The following C13orf42 variants were observed in gnomAD, a reference collection of about 807,000 sequenced individuals.
The protein encoded by C13orf42 is uncharacterized protein C13orf42.
chr13:51,146,632 G>T (rs1399398640), intron 1 of C13orf42, among the ~76,000 whole-genome samples: 1 of 152,148 alleles, frequency 6.6e-6, no homozygotes, highest in Non-Finnish European at 1.5e-5. Flanking sequence ...TTGAAGCAAA[G>T]GACTCACAGT....
In C13orf42 at chr13:51,108,492, A is replaced by G. The variant is rs1226742236; in HGVS notation, c.414+2304T>C. 2.0e-5 allele frequency among the ~76,000 whole-genome samples: 3 copies of G among 152,288 alleles called. No individual in the cohort carries two copies. In the East Asian group the frequency reaches 5.8e-4, roughly 29 times the overall value. On this transcript the variant is annotated intron_variant, in intron 1 of 3. Transcript: ENST00000563710. ...CCCACCAGCCATGAAGCCTGAACCC[A>G]TCATTTCACAGGCAGGCCCAGCATA...
intron 1 of C13orf42, among the ~76,000 whole-genome samples, chr13:51,106,876 G>A (rs181673301): frequency 1.3e-5 from 2 of 152,326 alleles, no homozygotes; most frequent in East Asian, 1.9e-4. Context: ...GTCCCAAACT[G>A]CAGCTCATTC....
intron 1 of C13orf42, among the ~76,000 whole-genome samples, chr13:51,121,038 A>G (rs575610802): frequency 2.0e-5 from 3 of 152,306 alleles, no homozygotes; most frequent in East Asian, 3.9e-4. Context: ...TGCCCGTCAT[A>G]ATAAACCCTG....
At chr13:51,151,375 GAA>G (rs67940203) in intron 1 of C13orf42, among the ~76,000 whole-genome samples, 1 of 148,696 alleles carries the variant, frequency 6.7e-6, no homozygotes, top group African/African-American at 2.5e-5. Context: ...GCTGGAAAAG[GAA>G]AAAAAAAAGA....
In C13orf42 at chr13:51,110,923, C is replaced by G. The variant is rs1593537730; in HGVS notation, c.287G>C (p.Arg96Pro). The G allele has an allele frequency of 2.5e-6, 1 of 398,584 alleles. No homozygotes were observed. 24.7% of individuals were successfully genotyped at this position (398,584 alleles called of 1,614,324 possible). ...LQYLQELLAL[R>P]KKYLSSFSDL... ...ACTGAAGCTGCTGAGATATTTTTTG[C>G]GCAAGGCCAGCAGCTCCTGCAGGTA... is the stretch of plus-strand genomic sequence containing the variant. Residue 96 changes from arginine (R) to proline (P), a missense_variant, in exon 1 of 4, where the codon CGC becomes CCC. Physicochemically the swap from Arg to Pro is moderately radical, Grantham distance 103 (BLOSUM62 -2). Transcript: ENST00000563710.
At chr13:51,089,776 A>G (rs1433646895) in intron 1 of C13orf42, among the ~76,000 whole-genome samples, 1 of 151,502 alleles carries the variant, frequency 6.6e-6, no homozygotes, top group Non-Finnish European at 1.5e-5. Context: ...TCTCTCTTCC[A>G]CAGATGGCCT....
chr13:51,149,312 GAAAAAA>G (rs60935214), intron 1 of C13orf42, among the ~76,000 whole-genome samples: 5 of 103,084 alleles, frequency 4.9e-5, no homozygotes, highest in Non-Finnish European at 9.4e-5. Flanking sequence ...GGCTGAAATT[GAAAAAA>G]AAAAAAAAAA....
In C13orf42 at chr13:51,169,003, C is replaced by T. The variant is rs541289736; in HGVS notation, n.136+3250G>A. Among the ~76,000 whole-genome samples the T allele has an allele frequency of 3.9e-4, 59 of 152,324 alleles. No individual in the cohort carries two copies. In the South Asian group the frequency reaches 6.0e-3, roughly 16 times the overall value. On this transcript the variant is annotated intron_variant and non_coding_transcript_variant, in intron 1 of 4. Coordinates refer to the C13orf42 transcript ENST00000433280. The stretch of plus-strand genomic sequence containing the variant: ...GTGGAACTGTGAGCCAATTAAACCT[C>T]TTTGCTTTATAAATAACCCAGTTTC...
At chr13:51,130,173 A>C (rs1226573198) in intron 1 of C13orf42, among the ~76,000 whole-genome samples, 1 of 152,242 alleles carries the variant, frequency 6.6e-6, no homozygotes, top group Non-Finnish European at 1.5e-5. Flanking sequence ...TGGGAAATAA[A>C]AACAGCCTTA....
intron 1 of C13orf42, among the ~76,000 whole-genome samples, chr13:51,144,058 CT>C (rs554473264): frequency 7.2e-5 from 11 of 151,886 alleles, no homozygotes; most frequent in Non-Finnish European, 8.8e-5. Flanking sequence ...TCCCTTAAAA[CT>C]TTTTTTTCAT....
At chr13:51,164,752 T>C (rs4942969) in intron 1 of C13orf42, among the ~76,000 whole-genome samples, 35,324 of 152,052 alleles carry the variant, frequency 0.23, 4,484 homozygotes, top group Admixed American at 0.32. Context: ...GTGGAGACAG[T>C]GAAGCAAAAT....
At chr13:51,149,803 C>G (rs2138037375) in intron 1 of C13orf42, among the ~76,000 whole-genome samples, 1 of 152,302 alleles carries the variant, frequency 6.6e-6, no homozygotes, top group East Asian at 1.9e-4. Context: ...CCTCTCTTGT[C>G]CCTTCCTCTG....
intron 1 of C13orf42, among the ~76,000 whole-genome samples, chr13:51,146,743 T>C (rs1239410957): frequency 6.6e-6 from 1 of 152,242 alleles, no homozygotes; most frequent in Non-Finnish European, 1.5e-5. Context: ...AATACACATT[T>C]ATCTCAGTGA....
chr13:51,155,661 T>C (rs77472828), intron 1 of C13orf42, among the ~76,000 whole-genome samples: 14,193 of 152,258 alleles, frequency 0.093, 844 homozygotes, highest in Non-Finnish European at 0.14. Context: ...GCACACTTCC[T>C]TTCTCAGTAT....
At chr13:51,145,820 C>T (rs564854867) in intron 1 of C13orf42, among the ~76,000 whole-genome samples, 5 of 152,280 alleles carry the variant, frequency 3.3e-5, no homozygotes, top group South Asian at 2.1e-4. Context: ...CTTTCCAGAC[C>T]GAACCAATGT....
intron 1 of C13orf42, among the ~76,000 whole-genome samples, chr13:51,094,289 T>TGTC (rs1953210467): frequency 6.6e-6 from 1 of 152,202 alleles, no homozygotes; most frequent in South Asian, 2.1e-4. Context: ...GCTACAGGGT[T>TGTC]GTCATTACTT....
chr13:51,118,088 T>C (rs1253703533), intron 1 of C13orf42, among the ~76,000 whole-genome samples: 1 of 152,236 alleles, frequency 6.6e-6, no homozygotes, highest in African/African-American at 2.4e-5. Context: ...TGGTCTTTTG[T>C]GGCATGATCT....
chr13:51,155,923 G>GA (rs1377095606), intron 1 of C13orf42, among the ~76,000 whole-genome samples: 1 of 152,164 alleles, frequency 6.6e-6, no homozygotes, highest in East Asian at 1.9e-4. Flanking sequence ...GATCCAGGCA[G>GA]AAAACCTGAT....
At chr13:51,149,660 G>A (rs1953764930) in intron 1 of C13orf42, among the ~76,000 whole-genome samples, 1 of 152,182 alleles carries the variant, frequency 6.6e-6, no homozygotes, top group Admixed American at 6.5e-5. Context: ...CAAGGTAGAC[G>A]CATAGTGAAG....
Sources: allele counts gnomAD v4.1 joint callset (sites outside exome capture counted in the v4.1 genomes callset), GRCh38; gene constraint gnomAD v4.1.1; transcripts MANE v1.5; gene names NCBI Gene and HGNC (gene_info 2026-07-23, HGNC 2026-07-21).